ARFIP1: variants seen among roughly 807,000 people sequenced by gnomAD.
ARFIP1 encodes ARF interacting protein 1, also known as arfaptin-1.
In ARFIP1, 24 loss-of-function variants were observed where a neutral mutation model predicts 42.5. The ratio of observed to expected loss-of-function variants is 0.57; its 90% CI spans 0.41 to 0.80. The LOEUF (loss-of-function observed/expected upper bound fraction) is 0.80. ARFIP1 is among the 30% of genes least tolerant of loss of function. ARFIP1 has a pLI of 0.00. For missense variants in ARFIP1, 354 were observed against 434.0 expected, an observed-to-expected ratio of 0.82 and a Z score of 1.64; for synonymous variants, 141 against 153.7, an observed-to-expected ratio of 0.92 and a Z score of 0.61.
chr4:152,851,111 G>C (rs1056545599), intron 2 of ARFIP1, among the ~76,000 whole-genome samples: 1 of 152,188 alleles, frequency 6.6e-6, no homozygotes, highest in African/African-American at 2.4e-5. Flanking sequence ...ATGTTACTGA[G>C]AAAATTTCTT....
intron 2 of ARFIP1, among the ~76,000 whole-genome samples, chr4:152,841,130 G>T (rs1354325112): frequency 1.3e-5 from 2 of 151,598 alleles, no homozygotes; most frequent in African/African-American, 2.4e-5. Flanking sequence ...CCACCTCCCG[G>T]GTTCAAGTGA....
chr4:152,892,363 C>T (rs1298680034), intron 8 of ARFIP1, among the ~76,000 whole-genome samples: 1 of 152,164 alleles, frequency 6.6e-6, no homozygotes, highest in Non-Finnish European at 1.5e-5. Context: ...GTTCTCATGT[C>T]ATGACTTTTG....
chr4:152,863,584 C>A (rs1178745853), intron 2 of ARFIP1, 22 bp from the exon 3 acceptor site: 1 of 1,412,892 alleles, frequency 7.1e-7, no homozygotes, highest in Non-Finnish European at 9.9e-7. Flanking sequence ...AAAGTTTTTT[C>A]TTTTATTTAA....
At chr4:152,891,347 T>C (rs1736832206) in intron 8 of ARFIP1, among the ~76,000 whole-genome samples, 1 of 152,248 alleles carries the variant, frequency 6.6e-6, no homozygotes, top group Non-Finnish European at 1.5e-5. Context: ...AAAGAAACTT[T>C]GGTCTTTGTA....
chr4:152,906,468 C>T (rs1182379161), intron 8 of ARFIP1, among the ~76,000 whole-genome samples: 1 of 152,156 alleles, frequency 6.6e-6, no homozygotes, highest in African/African-American at 2.4e-5. Context: ...TCTCTGTCAC[C>T]TCCCATCTTG....
chr4:152,886,726 C>T (rs763258992), intron 7 of ARFIP1, among the ~76,000 whole-genome samples: 6 of 151,880 alleles, frequency 4.0e-5, no homozygotes, highest in South Asian at 2.1e-4. Context: ...CTCTAGAATG[C>T]GAGCTTCTTG....
At chr4:152,869,743 C>T (rs1561157205) in intron 3 of ARFIP1, among the ~76,000 whole-genome samples, 1 of 152,174 alleles carries the variant, frequency 6.6e-6, no homozygotes, top group Non-Finnish European at 1.5e-5. Context: ...GTTAATGTTT[C>T]TTACTTTGTA....
chr4:152,906,541 C>T (rs1341251775), intron 8 of ARFIP1, among the ~76,000 whole-genome samples: 1 of 152,210 alleles, frequency 6.6e-6, no homozygotes, highest in Non-Finnish European at 1.5e-5. Context: ...CCTCTTCTCA[C>T]GATCTCCTCT....
At chr4:152,835,685 TAC>T (rs1731591040) in intron 2 of ARFIP1, among the ~76,000 whole-genome samples, 1 of 152,236 alleles carries the variant, frequency 6.6e-6, no homozygotes, top group African/African-American at 2.4e-5. Flanking sequence ...TTTATAGCAA[TAC>T]TTACTCCTCG....
intron 2 of ARFIP1, among the ~76,000 whole-genome samples, chr4:152,837,524 T>C (rs1731751239): frequency 6.6e-6 from 1 of 152,174 alleles, no homozygotes; most frequent in Admixed American, 6.5e-5. Flanking sequence ...TTCCTGATCA[T>C]TTAGTGATGT....
chr4:152,830,915 C>T (rs2149846973), intron 2 of ARFIP1, among the ~76,000 whole-genome samples: 1 of 152,216 alleles, frequency 6.6e-6, no homozygotes. Context: ...TTTGCATTAA[C>T]AGTCTTTTGA....
intron 3 of ARFIP1, among the ~76,000 whole-genome samples, chr4:152,864,112 C>T (rs1021214816): frequency 3.3e-5 from 5 of 152,058 alleles, no homozygotes; most frequent in Non-Finnish European, 7.4e-5. Context: ...TAGGAGGTCT[C>T]CAAGACCACA....
intron 1 of ARFIP1, among the ~76,000 whole-genome samples, chr4:152,818,688 CTG>C (rs981724793): frequency 2.0e-5 from 3 of 152,182 alleles, no homozygotes; most frequent in African/African-American, 4.8e-5. Flanking sequence ...TTCTCGGAAA[CTG>C]TGATTTCTGT....
chr4:152,845,822 C>G (rs921861912), intron 2 of ARFIP1, among the ~76,000 whole-genome samples: 2 of 152,144 alleles, frequency 1.3e-5, no homozygotes, highest in African/African-American at 2.4e-5. Flanking sequence ...TACCATCAGA[C>G]CCAGCAATCC....
At chr4:152,785,273 A>G (rs995704508) in intron 1 of ARFIP1, among the ~76,000 whole-genome samples, 1 of 152,218 alleles carries the variant, frequency 6.6e-6, no homozygotes, top group Non-Finnish European at 1.5e-5. Flanking sequence ...TTTCACATAC[A>G]TCCTCATTTT....
At chr4:152,875,096 A>G (rs1437729438) in intron 5 of ARFIP1, among the ~76,000 whole-genome samples, 1 of 152,128 alleles carries the variant, frequency 6.6e-6, no homozygotes, top group African/African-American at 2.4e-5. Context: ...GGGAATATTT[A>G]GCTTCATTTA....
intron 2 of ARFIP1, among the ~76,000 whole-genome samples, chr4:152,832,421 T>G (rs755506886): frequency 1.3e-5 from 2 of 152,230 alleles, no homozygotes; most frequent in East Asian, 3.8e-4. Flanking sequence ...GTTTTTCTAC[T>G]GGGTGTGTGT....
chr4:152,841,328 C>G (rs1015841244), intron 2 of ARFIP1, among the ~76,000 whole-genome samples: 1 of 152,200 alleles, frequency 6.6e-6, no homozygotes, highest in Non-Finnish European at 1.5e-5. Context: ...GCCACCGTGC[C>G]AGGCCAGTTC....
intron 1 of ARFIP1, among the ~76,000 whole-genome samples, chr4:152,804,341 TATATA>T (rs1276664251): frequency 2.1e-5 from 2 of 94,034 alleles, no homozygotes; most frequent in African/African-American, 8.9e-5. Flanking sequence ...ATATTTTATA[TATATA>T]ATATAACATG....
Sources: gnomAD v4.1 joint callset for allele counts (sites outside exome capture counted in the v4.1 genomes callset) on GRCh38, gnomAD v4.1.1 for gene constraint, MANE v1.5 for transcripts, NCBI Gene and HGNC (gene_info 2026-07-23, HGNC 2026-07-21) for gene names.